Variants in MAPK8IP1 observed in about 807,000 individuals in gnomAD.
The protein encoded by MAPK8IP1 is C-Jun-amino-terminal kinase-interacting protein 1.
Under a neutral mutation model 72.6 loss-of-function variants are expected in MAPK8IP1, and 17 were observed. The ratio of observed to expected loss-of-function variants is 0.23; its 90% CI spans 0.16 to 0.35. The LOEUF is 0.35. Among genes scored for constraint, MAPK8IP1 ranks in the 10% least tolerant of loss-of-function variants. The pLI is 1.00. For missense variants in MAPK8IP1, 789 were observed against 1,009.7 expected, an observed-to-expected ratio of 0.78 and a Z score of 2.96; for synonymous variants, 401 against 443.4, an observed-to-expected ratio of 0.90 and a Z score of 1.20.
rs1216680557 is a variant in MAPK8IP1, at chr11:45,902,503, G to T, written c.736G>T (p.Ala246Ser). 3.7e-6 allele frequency: 6 copies of T among 1,608,484 alleles called. No individual in the cohort carries two copies. The highest frequency in any genetic ancestry group is 5.1e-6 in the Non-Finnish European group (6 of 1,178,144). Residue 246 changes from alanine to serine, a missense_variant, in exon 5 of 12, where the codon GCA (alanine) becomes TCA (serine). By Grantham distance (99) the Ala-to-Ser change is moderately conservative (BLOSUM62 1). Coordinates refer to ENST00000241014, the MANE Select transcript of MAPK8IP1 (RefSeq NM_005456.4). This position sits in a 1 kb window ranked among gnomAD's most constrained non-coding sequence, Gnocchi z 9.3. Reference sequence around the variant, plus strand: ...CCGCCGCAGCACAGCCACCCAGATGGCACCTCCGGGTGGTCCCCCTGCTGC... The same window carrying T: ...CCGCCGCAGCACAGCCACCCAGATGTCACCTCCGGGTGGTCCCCCTGCTGC... ...PCRRSTATQM[A>S]PPGGPPAAPP...
intron 1 of MAPK8IP1, among the ~76,000 whole-genome samples, chr11:45,889,642 A>C (rs2086551878): frequency 6.6e-6 from 1 of 151,938 alleles, no homozygotes; most frequent in South Asian, 2.1e-4. Context: ...GGAATCGTGG[A>C]TCTGAGAGAC....
rs553074089 is a variant in MAPK8IP1 at position 45,898,404 on chromosome 11, G to T, written c.207+214G>T. The stretch of plus-strand genomic sequence containing the variant: ...TATTATTATTATTATTACTGCTGTC[G>T]GGGACTAAGACAGGAAGTAGCTCCT... On this transcript the variant is annotated intron_variant, in intron 2 of 11. Transcript: ENST00000241014. Among the ~76,000 whole-genome samples the T allele has an allele frequency of 2.0e-5, 3 of 152,164 alleles. No homozygotes were observed. In the South Asian group the frequency reaches 6.2e-4, roughly 32 times the overall value.
chr11:45,893,423 C>T (rs1433808647), intron 1 of MAPK8IP1, among the ~76,000 whole-genome samples: 2 of 152,100 alleles, frequency 1.3e-5, no homozygotes. Flanking sequence ...GAGGAGCTGG[C>T]AGGGCAAAAG....
Position 45,902,343 on chromosome 11 carries a change from C to T in MAPK8IP1, c.605-29C>T. 6.5e-7 allele frequency: 1 copy of T among 1,527,376 alleles called. No homozygotes were observed. Among genetic ancestry groups the T allele is most frequent in the East Asian group, 2.4e-5 (1 of 40,896 alleles). 94.6% of individuals were successfully genotyped at this position (1,527,376 alleles called of 1,614,324 possible). ...GGTAGCTGGGAGTTGGGAGAGAGCC[C>T]CTGCCTTCATGACCTGCCTGCTCTC... On this transcript the variant is annotated intron_variant, in intron 4 of 11. Transcript: ENST00000241014. The surrounding 1 kb of genome is among the most constrained non-coding windows in gnomAD (Gnocchi z 9.3).
At position 45,904,887 on chromosome 11, in the gene MAPK8IP1, A is replaced by G; in HGVS notation, c.1893+53A>G. 1 of 1,607,682 alleles carries G rather than the reference A, an allele frequency of 6.2e-7. No individual in the cohort carries two copies. The highest frequency in any genetic ancestry group is 8.5e-7 in the Non-Finnish European group (1 of 1,174,232). On this transcript the variant is annotated intron_variant, in intron 9 of 11. Coordinates refer to ENST00000241014, the MANE Select transcript of MAPK8IP1 (RefSeq NM_005456.4). This position sits in a 1 kb window ranked among gnomAD's most constrained non-coding sequence, Gnocchi z 6.4. ...TTCCATGGCCCCAAGCTCTCCCCCA[A>G]GACTTGTGATGAAGAGGCCATCTCC...
At chr11:45,896,861 C>T (rs765188140) in intron 1 of MAPK8IP1, 46 of 1,549,410 alleles carry the variant, frequency 3.0e-5, no homozygotes, top group Admixed American at 9.8e-5. Flanking sequence ...CGCAGCCCCC[C>T]GGCCGGGCAG....
rs1239222578 is a variant in MAPK8IP1 at position 45,904,081 on chromosome 11, A to C, written c.1586A>C (p.Tyr529Ser). Reference sequence around the variant, plus strand: ...GCTGAAGACTACTGGTACGAGGCCTACAACATGCGCACTGGTGCCCGGGGT... The same window carrying C: ...GCTGAAGACTACTGGTACGAGGCCTCCAACATGCGCACTGGTGCCCGGGGT... Reference protein sequence around the residue: ...LQAEDYWYEAYNMRTGARGVF... With the variant: ...LQAEDYWYEASNMRTGARGVF... The change falls in exon 7 of 12, where the codon TAC (tyrosine) becomes TCC (serine). Residue 529 changes from tyrosine (Y) to serine (S), a missense_variant. By Grantham distance (144) the Tyr-to-Ser change is moderately radical. Coordinates refer to ENST00000241014, the MANE Select transcript of MAPK8IP1 (RefSeq NM_005456.4). The surrounding 1 kb of genome is among the most constrained non-coding windows in gnomAD (Gnocchi z 6.4). The C allele has an allele frequency of 6.2e-7, 1 of 1,613,990 alleles. No individual in the cohort carries two copies. The highest frequency in any genetic ancestry group is 1.3e-5 in the African/African-American group (1 of 74,892).
chr11:45,898,650 GGCT>G (rs1356129792), intron 2 of MAPK8IP1, among the ~76,000 whole-genome samples: 1 of 152,194 alleles, frequency 6.6e-6, no homozygotes, highest in African/African-American at 2.4e-5. Context: ...TGTGGCTGCT[GGCT>G]GCTATTACAC....
intron 1 of MAPK8IP1, among the ~76,000 whole-genome samples, chr11:45,892,414 A>G (rs116957566): frequency 2.4e-3 from 360 of 152,350 alleles, no homozygotes; most frequent in Middle Eastern, 6.8e-3. Context: ...TCAAGTACCT[A>G]TTAGGCACCA....
rs1330258438 is a variant in MAPK8IP1, at chr11:45,903,939, G to A, written c.1494-50G>A. 1 of 1,568,076 alleles carries A rather than the reference G, an allele frequency of 6.4e-7. No individual in the cohort carries two copies. ...GCTCCCAGACCCCAGAGTAGGCCTG[G>A]CTGGACAGGCCTTGGTGCCGAATTT... On this transcript the variant is annotated intron_variant, in intron 6 of 11. Coordinates refer to ENST00000241014, the MANE Select transcript of MAPK8IP1 (RefSeq NM_005456.4). This position sits in a 1 kb window ranked among gnomAD's most constrained non-coding sequence, Gnocchi z 6.4.
chr11:45,901,303 G>C (rs964516780), intron 3 of MAPK8IP1, among the ~76,000 whole-genome samples: 16 of 152,228 alleles, frequency 1.1e-4, no homozygotes, highest in Admixed American at 7.8e-4. Flanking sequence ...GGGTCCCAGG[G>C]CTGAGAATGT....
Position 45,903,447 on chromosome 11 carries a change from GC to G in MAPK8IP1, c.1493+9del, listed in dbSNP as rs773979755. The G allele has an allele frequency of 1.2e-6, 2 of 1,609,922 alleles. No individual in the cohort carries two copies. Among genetic ancestry groups the G allele is most frequent in the Non-Finnish European group, 1.7e-6 (2 of 1,179,156 alleles). On this transcript the variant is annotated splice_region_variant and intron_variant, in intron 6 of 11. Transcript: ENST00000241014. This position sits in a 1 kb window ranked among gnomAD's most constrained non-coding sequence, Gnocchi z 6.4. Reference sequence around the variant, plus strand: ...CCCACCGGGCCATATTCAGGTGAGAGCCATGGGCTGGCTGGGCCTAGCCAGG... The same window carrying G: ...CCCACCGGGCCATATTCAGGTGAGAGCATGGGCTGGCTGGGCCTAGCCAGG...
At chr11:45,895,861 C>A (rs1232992309) in intron 1 of MAPK8IP1, among the ~76,000 whole-genome samples, 1 of 152,048 alleles carries the variant, frequency 6.6e-6, no homozygotes, top group Non-Finnish European at 1.5e-5. Context: ...TGAGATGCCA[C>A]CCTGCCCTGG....
At chr11:45,897,072 G>A in intron 1 of MAPK8IP1, 3 of 1,029,498 alleles carry the variant, frequency 2.9e-6, no homozygotes, top group African/African-American at 1.6e-5. Context: ...TTCCCCTGGG[G>A]GCTAAGCCAC....
At chr11:45,887,149 C>T (rs999010360) in intron 1 of MAPK8IP1, among the ~76,000 whole-genome samples, 1 of 152,138 alleles carries the variant, frequency 6.6e-6, no homozygotes, top group Admixed American at 6.5e-5. Flanking sequence ...ATACTGCCTC[C>T]CCACCTGGAG....
rs2134673994 is a variant in MAPK8IP1 at position 45,900,232 on chromosome 11, G to C, written c.302G>C (p.Gly101Ala). The C allele has an allele frequency of 7.5e-7, 1 of 1,332,488 alleles. No homozygotes were observed. Among genetic ancestry groups the C allele is most frequent in the South Asian group, 2.0e-5 (1 of 50,258 alleles). 82.5% of individuals were successfully genotyped at this position (1,332,488 alleles called of 1,614,324 possible). ...CAGATGGACCTGATCGACGCGACGG[G>C]GGACACTCCCGGGGCCGAGGACGAC... The part of the protein sequence containing the change: ...MLQMDLIDAT[G>A]DTPGAEDDEE... The change falls in exon 3 of 12, where the codon GGG (glycine) becomes GCG (alanine). Residue 101 changes from glycine to alanine, a missense_variant. Physicochemically the swap from Gly to Ala is moderately conservative, Grantham distance 60. Transcript: ENST00000241014. This position sits in a 1 kb window ranked among gnomAD's most constrained non-coding sequence, Gnocchi z 6.5.
chr11:45,905,115 G>A (rs373779784), intron 10 of MAPK8IP1, 36 bp from the exon 11 acceptor site: 1 of 1,612,428 alleles, frequency 6.2e-7, no homozygotes, highest in East Asian at 2.2e-5. Flanking sequence ...TGTGGGCCGA[G>A]CCCCCGTCCC....
In MAPK8IP1 at chr11:45,900,351, G is replaced by T. The variant is rs956121270; in HGVS notation, c.421G>T (p.Gly141Cys). Residue 141 changes from glycine to cysteine, a missense_variant, in exon 3 of 12, where the codon GGC becomes TGC. This residue lies in a region of MAPK8IP1 where 112 missense variants were observed against 192.8 expected (regional missense o/e 0.58). Transcript: ENST00000241014. The surrounding 1 kb of genome is among the most constrained non-coding windows in gnomAD (Gnocchi z 6.5). ...SGQEPASRGQ[G>C]QSQGQSQGPG... is the part of the protein sequence containing the mutation. ...CCAGGAGCCGGCGTCCCGCGGCCAGGGCCAGAGCCAAGGCCAGAGCCAGGG... is the reference window on the plus strand; with the variant it reads ...CCAGGAGCCGGCGTCCCGCGGCCAGTGCCAGAGCCAAGGCCAGAGCCAGGG... The T allele has an allele frequency of 2.7e-6, 4 of 1,500,046 alleles. No individual in the cohort carries two copies. The African/African-American group carries it at 5.8e-5, about 22-fold the overall frequency. 92.9% of individuals were successfully genotyped at this position (1,500,046 alleles called of 1,614,324 possible). A position where few individuals can be genotyped will look rare whatever the true frequency, so the allele number is the denominator to read the frequency against.
At chr11:45,893,536 A>G (rs2086581805) in intron 1 of MAPK8IP1, among the ~76,000 whole-genome samples, 1 of 152,188 alleles carries the variant, frequency 6.6e-6, no homozygotes. Flanking sequence ...CACAGCTCAG[A>G]GCCACCAAAC....
Sources: allele counts gnomAD v4.1 joint callset (sites outside exome capture counted in the v4.1 genomes callset), GRCh38; gene constraint gnomAD v4.1.1; regional missense constraint gnomAD v4.1.1; non-coding constraint Gnocchi (gnomAD v3.1); transcripts MANE v1.5; gene names NCBI Gene and HGNC (gene_info 2026-07-23, HGNC 2026-07-21).